Variants in ECT2L observed in about 807,000 individuals in gnomAD.
ECT2L encodes epithelial cell-transforming sequence 2 oncogene-like.
A neutral mutation model predicts 122.8 loss-of-function variants in ECT2L; 126 were observed. The observed-to-expected ratio is 1.03, with a 90% CI of 0.89 to 1.19. The LOEUF (loss-of-function observed/expected upper bound fraction) is 1.19, where lower values mean the gene tolerates loss of function less well. ECT2L is among the 50% of genes most tolerant of loss of function. ECT2L has a pLI of 0.00. For synonymous variants in ECT2L, 385 were observed against 381.8 expected, an observed-to-expected ratio of 1.01 and a Z score of -0.10; for missense variants, 1,012 against 1,064.1, an observed-to-expected ratio of 0.95 and a Z score of 0.68.
intron 13 of ECT2L, among the ~76,000 whole-genome samples, chr6:138,876,224 A>G (rs1001398610): frequency 3.3e-5 from 5 of 152,198 alleles, no homozygotes; most frequent in African/African-American, 9.6e-5. Context: ...CCCAAGGAAG[A>G]GGGAGCTACG....
chr6:138,898,344 T>C (rs1390863077), intron 20 of ECT2L, among the ~76,000 whole-genome samples: 7 of 152,146 alleles, frequency 4.6e-5, no homozygotes, highest in Non-Finnish European at 1.0e-4. Context: ...GAAGAAAATG[T>C]TTGAAAGAAA....
chr6:138,893,186 T>TG (rs1336170256), intron 20 of ECT2L, among the ~76,000 whole-genome samples: 1,305 of 123,422 alleles, frequency 0.011, 12 homozygotes, highest in African/African-American at 0.047. Context: ...TTTTTTTTTG[T>TG]TTTTTTTTGT....
At chr6:138,875,495 A>G (rs1778408453) in intron 13 of ECT2L, among the ~76,000 whole-genome samples, 1 of 152,212 alleles carries the variant, frequency 6.6e-6, no homozygotes, top group African/African-American at 2.4e-5. Flanking sequence ...ATTGACCATC[A>G]TCATCCCTCA....
At chr6:138,811,267 G>A (rs774939298) in intron 1 of ECT2L, among the ~76,000 whole-genome samples, 1 of 152,190 alleles carries the variant, frequency 6.6e-6, no homozygotes, top group Non-Finnish European at 1.5e-5. Context: ...CAGCTGGTGA[G>A]CACTGCAGTC....
At chr6:138,861,212 A>G (rs1286979757) in intron 10 of ECT2L, among the ~76,000 whole-genome samples, 2 of 152,208 alleles carry the variant, frequency 1.3e-5, no homozygotes, top group Non-Finnish European at 2.9e-5. Flanking sequence ...TCTTTATACT[A>G]GAATGATTTA....
intron 4 of ECT2L, among the ~76,000 whole-genome samples, chr6:138,833,495 G>C (rs1776719101): frequency 6.6e-6 from 1 of 152,084 alleles, no homozygotes; most frequent in South Asian, 2.1e-4. Context: ...TCCTTTTCAT[G>C]CAACTCAGGA....
At chr6:138,814,337 GAC>G (rs889709179) in intron 3 of ECT2L, among the ~76,000 whole-genome samples, 152 bp from the exon 4 acceptor site, 64 of 152,296 alleles carry the variant, frequency 4.2e-4, no homozygotes, top group African/African-American at 1.5e-3. Flanking sequence ...TGAAAGGAGA[GAC>G]CTTTCTCTCT....
In ECT2L at chr6:138,882,714, C is replaced by T; in HGVS notation, c.1881-10C>T. The T allele has an allele frequency of 2.5e-6, 4 of 1,613,456 alleles. No individual in the cohort carries two copies. The highest frequency in any genetic ancestry group is 1.3e-5 in the African/African-American group (1 of 75,024). On this transcript the variant is annotated splice_polypyrimidine_tract_variant and intron_variant, in intron 15 of 21. Coordinates refer to ENST00000541398, the MANE Select transcript of ECT2L (RefSeq NM_001077706.3). ...GAATATTTCATGCTTATGCTCTTCTCATACCACAGGCAGTTTCTAGATAAC... is the reference window on the plus strand; with the variant it reads ...GAATATTTCATGCTTATGCTCTTCTTATACCACAGGCAGTTTCTAGATAAC...
At chr6:138,873,896 G>GTGTGTGTGTGTGTGTGTGTGTGTGTGTA (rs1167591342) in intron 13 of ECT2L, among the ~76,000 whole-genome samples, 1 of 149,694 alleles carries the variant, frequency 6.7e-6, no homozygotes, top group African/African-American at 2.5e-5. Context: ...GTGTGTGTGT[G>GTGTGTGTGTGTGTGTGTGTGTGTGTGTA]TGTGTGTGTG....
At chr6:138,828,769 C>T (rs1776546164) in intron 4 of ECT2L, among the ~76,000 whole-genome samples, 1 of 152,136 alleles carries the variant, frequency 6.6e-6, no homozygotes, top group Non-Finnish European at 1.5e-5. Context: ...TAACCAATAG[C>T]TTGGATTTAT....
intron 4 of ECT2L, among the ~76,000 whole-genome samples, chr6:138,837,361 G>A (rs556765777): frequency 3.3e-5 from 5 of 152,038 alleles, no homozygotes; most frequent in South Asian, 2.1e-4. Flanking sequence ...TTCTGCACAC[G>A]GCTATTGCCC....
intron 1 of ECT2L, among the ~76,000 whole-genome samples, chr6:138,805,776 G>A (rs1251919765): frequency 6.6e-6 from 1 of 152,132 alleles, no homozygotes; most frequent in East Asian, 1.9e-4. Context: ...AAAACAGAAG[G>A]TATAAGTCTT....
At chr6:138,872,839 T>C (rs1379244121) in intron 13 of ECT2L, among the ~76,000 whole-genome samples, 2 of 152,120 alleles carry the variant, frequency 1.3e-5, no homozygotes, top group East Asian at 1.9e-4. Flanking sequence ...AACCCAGGCA[T>C]ACAGATCCCA....
At chr6:138,844,348 T>A (rs1312420821) in intron 6 of ECT2L, 64 bp from the exon 7 acceptor site, 29 of 1,563,350 alleles carry the variant, frequency 1.9e-5, no homozygotes, top group Non-Finnish European at 2.5e-5. Context: ...TGCCTTTATC[T>A]GTGTGGACTT....
chr6:138,859,810 CT>C (rs36087999), intron 10 of ECT2L, among the ~76,000 whole-genome samples: 27 of 145,898 alleles, frequency 1.9e-4, no homozygotes, highest in South Asian at 2.2e-4. Flanking sequence ...AAGCACAGTT[CT>C]TTTTTTTTTT....
At chr6:138,859,017 T>C (rs1449772922) in intron 10 of ECT2L, among the ~76,000 whole-genome samples, 1 of 152,092 alleles carries the variant, frequency 6.6e-6, no homozygotes, top group Non-Finnish European at 1.5e-5. Flanking sequence ...TTCCTTTTCC[T>C]TTTCTCTTTT....
chr6:138,902,427 G>T, intron 21 of ECT2L, 73 bp from the exon 22 acceptor site: 1 of 1,392,236 alleles, frequency 7.2e-7, no homozygotes, highest in Non-Finnish European at 9.9e-7. Flanking sequence ...GATGATTTTT[G>T]AGTATTAACA....
chr6:138,827,984 C>A (rs1776513337), intron 4 of ECT2L, among the ~76,000 whole-genome samples: 1 of 151,772 alleles, frequency 6.6e-6, no homozygotes, highest in Non-Finnish European at 1.5e-5. Flanking sequence ...ATGTGCACAA[C>A]GTGCAGGTTA....
intron 13 of ECT2L, among the ~76,000 whole-genome samples, chr6:138,870,681 G>A (rs1474092104): frequency 6.6e-6 from 1 of 151,684 alleles, no homozygotes; most frequent in East Asian, 1.9e-4. Context: ...TTTCTTAGTT[G>A]AGATTCAAAT....
Sources: gnomAD v4.1 joint callset for allele counts (sites outside exome capture counted in the v4.1 genomes callset) on GRCh38, gnomAD v4.1.1 for gene constraint, MANE v1.5 for transcripts, NCBI Gene and HGNC (gene_info 2026-07-23, HGNC 2026-07-21) for gene names.